FAM47E: variants seen among roughly 807,000 people sequenced by gnomAD.
FAM47E encodes the protein family with sequence similarity 47 member E.
In FAM47E, 32 loss-of-function variants were observed where a neutral mutation model predicts 41.6. That is an observed-to-expected ratio of 0.77 (90% CI 0.58 to 1.03). The LOEUF is 1.03. Ranked by LOEUF, FAM47E falls within the 50% of genes least tolerant of loss-of-function variation. The pLI is 0.00. For missense variants in FAM47E, 424 were observed against 485.4 expected, an observed-to-expected ratio of 0.87 and a Z score of 1.19; for synonymous variants, 184 against 188.7, an observed-to-expected ratio of 0.98 and a Z score of 0.20.
intron 2 of FAM47E, among the ~76,000 whole-genome samples, chr4:76,232,880 T>C (rs190216098): frequency 1.3e-5 from 2 of 152,340 alleles, no homozygotes; most frequent in East Asian, 3.9e-4. Flanking sequence ...GCCAAAATGA[T>C]GACTCAGAAA....
At chr4:76,225,035 A>G (rs1173505923) in intron 2 of FAM47E, among the ~76,000 whole-genome samples, 1 of 152,096 alleles carries the variant, frequency 6.6e-6, no homozygotes, top group Non-Finnish European at 1.5e-5. Context: ...GAGAAGATAC[A>G]ATGTTTGGTT....
At chr4:76,238,707 A>G (rs939429161) in intron 2 of FAM47E, among the ~76,000 whole-genome samples, 44 of 152,328 alleles carry the variant, frequency 2.9e-4, no homozygotes, top group African/African-American at 1.0e-3. Context: ...GTACAGAGAC[A>G]ACATTTAAAA....
chr4:76,249,234 G>GAAAAC (rs1004267528), upstream of FAM47E, among the ~76,000 whole-genome samples: 4 of 151,794 alleles, frequency 2.6e-5, no homozygotes, highest in South Asian at 2.1e-4. Flanking sequence ...TCTCAAAAAA[G>GAAAAC]AAAACAAAAC....
chr4:76,232,804 G>T (rs1289504065), intron 2 of FAM47E, among the ~76,000 whole-genome samples: 4 of 152,018 alleles, frequency 2.6e-5, no homozygotes, highest in Non-Finnish European at 5.9e-5. Context: ...TTTTTGGAAG[G>T]CTGTTAAATA....
rs1196139776 is a variant in FAM47E at position 76,256,520 on chromosome 4, A to T, written c.417A>T (p.Ile139=). Residue 139 remains isoleucine (I), a synonymous_variant, in exon 2 of 8, where the codon ATA becomes ATT. Transcript: ENST00000424749. Reference sequence around the variant, plus strand: ...TGAATCTGGAAGAAGCTATGCCCATAGAGGTGATGTGTCCTAGGGTTTGTG... The same window carrying T: ...TGAATCTGGAAGAAGCTATGCCCATTGAGGTGATGTGTCCTAGGGTTTGTG... The part of the protein sequence containing the change: ...LYLNLEEAMP[I]ELLSKVLEVL... 1 of 1,547,580 alleles carries T rather than the reference A, an allele frequency of 6.5e-7. No individual in the cohort carries two copies. The highest frequency in any genetic ancestry group is 1.2e-5 in the South Asian group (1 of 83,784).
chr4:76,262,713 A>G (rs566907647), intron 2 of FAM47E, among the ~76,000 whole-genome samples: 2 of 152,244 alleles, frequency 1.3e-5, no homozygotes, highest in South Asian at 4.1e-4. Flanking sequence ...ATTTTTTGAT[A>G]TCTTGGTTCT....
intron 1 of FAM47E, among the ~76,000 whole-genome samples, chr4:76,216,708 G>T (rs145041843): frequency 1.3e-5 from 2 of 152,170 alleles, no homozygotes; most frequent in African/African-American, 4.8e-5. Flanking sequence ...TATGTCAGGC[G>T]GTTAGTAAGC....
At chr4:76,235,860 T>G (rs1057271398) in intron 2 of FAM47E, among the ~76,000 whole-genome samples, 11 of 152,326 alleles carry the variant, frequency 7.2e-5, no homozygotes, top group African/African-American at 2.6e-4. Context: ...AATTTAATCC[T>G]CTCACAATCT....
intron 2 of FAM47E, among the ~76,000 whole-genome samples, chr4:76,243,041 A>G (rs961317821): frequency 2.0e-5 from 3 of 152,200 alleles, no homozygotes; most frequent in Non-Finnish European, 2.9e-5. Flanking sequence ...GTTGCCCAGC[A>G]TTAGTAATGT....
At chr4:76,214,253 C>T (rs1733156094) in exon 1 of FAM47E, 1 of 455,502 alleles carries the variant, frequency 2.2e-6, no homozygotes, top group Non-Finnish European at 4.4e-6. Context: ...GCAAGTGCTT[C>T]TACCAGGTGC....
intron 3 of FAM47E, among the ~76,000 whole-genome samples, chr4:76,265,676 C>A (rs1734601290): frequency 6.6e-6 from 1 of 152,034 alleles, no homozygotes. Flanking sequence ...GTTGAGGCCC[C>A]TAGATTGTCT....
intron 2 of FAM47E, among the ~76,000 whole-genome samples, chr4:76,262,685 G>C (rs547115291): frequency 6.6e-6 from 1 of 152,260 alleles, no homozygotes; most frequent in South Asian, 2.1e-4. Context: ...TTGTTCATCT[G>C]TATTTGTGAA....
At chr4:76,226,838 ATCTT>A (rs1480489339) in intron 2 of FAM47E, among the ~76,000 whole-genome samples, 1 of 152,106 alleles carries the variant, frequency 6.6e-6, no homozygotes, top group Non-Finnish European at 1.5e-5. Context: ...ACCTTAAATG[ATCTT>A]TTGTATTTCT....
intron 2 of FAM47E, among the ~76,000 whole-genome samples, chr4:76,226,101 T>C (rs918079096): frequency 1.2e-5 from 1 of 83,450 alleles, no homozygotes; most frequent in African/African-American, 3.2e-5. Flanking sequence ...GGCTATGAAG[T>C]CCGACGGAGT....
intron 2 of FAM47E, among the ~76,000 whole-genome samples, chr4:76,257,243 ACTC>A (rs1734231667): frequency 6.6e-6 from 1 of 151,952 alleles, no homozygotes; most frequent in Non-Finnish European, 1.5e-5. Context: ...TCATCTGACT[ACTC>A]CTAGTTGCTA....
chr4:76,274,695 C>T (rs1308841656), intron 5 of FAM47E, among the ~76,000 whole-genome samples: 3 of 152,186 alleles, frequency 2.0e-5, no homozygotes, highest in African/African-American at 7.2e-5. Context: ...TTTAGGTTTT[C>T]CAGGAGGAAG....
At chr4:76,251,095 A>G (rs1733949611), upstream of FAM47E, among the ~76,000 whole-genome samples, 1 of 152,130 alleles carries the variant, frequency 6.6e-6, no homozygotes, top group Non-Finnish European at 1.5e-5. Flanking sequence ...AATTTAGTAA[A>G]AACGAAACAC....
At chr4:76,271,097 GTGCCCATCTCTACTCC>G (rs1481253037) in intron 4 of FAM47E, among the ~76,000 whole-genome samples, 4 of 152,138 alleles carry the variant, frequency 2.6e-5, no homozygotes, top group Admixed American at 2.6e-4. Flanking sequence ...TGCTCTTAAT[GTGCCCATCTCTACTCC>G]CACCAGCTGT....
chr4:76,244,614 C>T (rs1304097254), intron 2 of FAM47E, among the ~76,000 whole-genome samples: 5 of 139,514 alleles, frequency 3.6e-5, no homozygotes, highest in African/African-American at 1.3e-4. Flanking sequence ...GATCTCAGCT[C>T]ACTGCAACCT....
Sources: allele counts gnomAD v4.1 joint callset (sites outside exome capture counted in the v4.1 genomes callset), GRCh38; gene constraint gnomAD v4.1.1; transcripts MANE v1.5; gene names NCBI Gene and HGNC (gene_info 2026-07-23, HGNC 2026-07-21).